GRIK2: variants seen among roughly 807,000 people sequenced by gnomAD.
The protein encoded by GRIK2 is glutamate ionotropic receptor kainate type subunit 2.
In GRIK2, 32 loss-of-function variants were observed where a neutral mutation model predicts 100.3. The ratio of observed to expected loss-of-function variants is 0.32; its 90% CI spans 0.24 to 0.43. The LOEUF is 0.43. Ranked by LOEUF, GRIK2 falls within the 20% of genes least tolerant of loss-of-function variation. The probability of loss-of-function intolerance (pLI) is 1.00; values close to 1 mark genes in which losing one functional copy is unlikely to be tolerated. For synonymous variants in GRIK2, 417 were observed against 389.4 expected (o/e 1.07, Z -0.83); for missense variants, 843 against 1,114.9 (o/e 0.76, Z 3.47).
At chr6:101,632,483 A>G (rs1178550522) in intron 4 of GRIK2, among the ~76,000 whole-genome samples, 4 of 152,168 alleles carry the variant, frequency 2.6e-5, no homozygotes, top group Non-Finnish European at 4.4e-5. Context: ...CCAAAGTCAA[A>G]TTTGGTTAAG....
At chr6:101,457,756 A>G (rs1245087832) in intron 2 of GRIK2, among the ~76,000 whole-genome samples, 2 of 152,102 alleles carry the variant, frequency 1.3e-5, no homozygotes, top group Non-Finnish European at 2.9e-5. Context: ...ATTTTCTTTC[A>G]AACAAGGTTG....
At position 101,695,384 on chromosome 6, in the gene GRIK2, C is replaced by G. The variant is rs149406843; in HGVS notation, c.951+9031C>G. On this transcript the variant is annotated intron_variant, in intron 7 of 16. Coordinates refer to ENST00000369134, the MANE Select transcript of GRIK2 (RefSeq NM_021956.5). ...TGATGACTTAATCATCTCTCAAAAG[C>G]CACACCTTTTAATTCTGTTTTATTG... Among the ~76,000 whole-genome samples, 17 of 152,200 alleles carry G rather than the reference C, an allele frequency of 1.1e-4. No individual in the cohort carries two copies. In the East Asian group the frequency reaches 3.1e-3, roughly 28 times the overall value.
intron 14 of GRIK2, among the ~76,000 whole-genome samples, chr6:102,002,582 C>G (rs986392816): frequency 6.7e-6 from 1 of 150,226 alleles, no homozygotes; most frequent in African/African-American, 2.4e-5. Context: ...TTAATGCTTT[C>G]ATTGTATTCT....
At chr6:101,615,638 A>G (rs576355116) in intron 2 of GRIK2, among the ~76,000 whole-genome samples, 1 of 151,956 alleles carries the variant, frequency 6.6e-6, no homozygotes, top group Admixed American at 6.6e-5. Context: ...AATACTATGT[A>G]CAATCCTGAC....
rs575248916 is a variant in GRIK2 at position 101,503,527 on chromosome 6, C to T, written c.115+104135C>T. 2.6e-5 allele frequency among the ~76,000 whole-genome samples: 4 copies of T among 152,234 alleles called. No homozygotes were observed. The South Asian group carries it at 6.2e-4, about 24-fold the overall frequency. Reference sequence around the variant, plus strand: ...AAGCAAATCAATTCCATTCCTTAGGCATACATTTTATATTTAGTTTTTCCT... The same window carrying T: ...AAGCAAATCAATTCCATTCCTTAGGTATACATTTTATATTTAGTTTTTCCT... On this transcript the variant is annotated intron_variant, in intron 2 of 16. Coordinates refer to ENST00000369134, the MANE Select transcript of GRIK2 (RefSeq NM_021956.5).
chr6:101,919,822 G>T (rs1398094947), intron 12 of GRIK2, among the ~76,000 whole-genome samples: 1 of 151,800 alleles, frequency 6.6e-6, no homozygotes, highest in Non-Finnish European at 1.5e-5. Flanking sequence ...TGAGGAACAA[G>T]ACAATGGATT....
At chr6:101,436,413 T>C (rs943954621) in intron 2 of GRIK2, among the ~76,000 whole-genome samples, 2 of 152,106 alleles carry the variant, frequency 1.3e-5, no homozygotes, top group African/African-American at 4.8e-5. Flanking sequence ...TAAAAAAATT[T>C]TTTTAGCTGC....
intron 16 of GRIK2, among the ~76,000 whole-genome samples, chr6:102,064,281 TCTTCTC>T (rs968838759): frequency 6.7e-6 from 1 of 150,130 alleles, no homozygotes; most frequent in East Asian, 2.0e-4. Context: ...CTTCTCCTTC[TCTTCTC>T]CTTCTCCTCC....
chr6:101,856,118 T>G (rs781482748), intron 10 of GRIK2, among the ~76,000 whole-genome samples: 4 of 152,178 alleles, frequency 2.6e-5, no homozygotes, highest in Admixed American at 6.5e-5. Context: ...AATGTTATTC[T>G]AAACACATTG....
At chr6:101,728,548 A>T (rs1016487118) in intron 7 of GRIK2, among the ~76,000 whole-genome samples, 1 of 152,084 alleles carries the variant, frequency 6.6e-6, no homozygotes, top group African/African-American at 2.4e-5. Context: ...CATGGGCTCT[A>T]AAGAAAACCA....
chr6:101,491,882 T>C lies in GRIK2; in HGVS notation c.115+92490T>C, dbSNP rs189329203. 1.7e-4 allele frequency among the ~76,000 whole-genome samples: 26 copies of C among 151,544 alleles called. No homozygotes were observed. The East Asian group carries it at 4.3e-3, about 25-fold the overall frequency. On this transcript the variant is annotated intron_variant, in intron 2 of 16. Coordinates refer to ENST00000369134, the MANE Select transcript of GRIK2 (RefSeq NM_021956.5). ...ATCATAGTTTGCATATATATATATG[T>C]GTGTTTGAATGTATATATGTGTGTA... is the stretch of plus-strand genomic sequence containing the variant.
intron 14 of GRIK2, among the ~76,000 whole-genome samples, chr6:102,006,494 G>A (rs188132231): frequency 1.5e-3 from 221 of 149,216 alleles, no homozygotes; most frequent in Middle Eastern, 3.6e-3. Context: ...TCAACCTCTT[G>A]AGTAGCTGGA....
At chr6:101,921,586 TA>T (rs903105946) in intron 12 of GRIK2, among the ~76,000 whole-genome samples, 1 of 152,010 alleles carries the variant, frequency 6.6e-6, no homozygotes, top group African/African-American at 2.4e-5. Context: ...TGATTTAGCT[TA>T]AAAAAATAAA....
At chr6:101,943,433 T>C (rs1413688225) in intron 14 of GRIK2, among the ~76,000 whole-genome samples, 1 of 152,102 alleles carries the variant, frequency 6.6e-6, no homozygotes, top group African/African-American at 2.4e-5. Context: ...TCCTCCAGAC[T>C]CTAGAATAGC....
intron 2 of GRIK2, among the ~76,000 whole-genome samples, chr6:101,544,663 AGTGCCTCCTCTAT>A (rs1776152876): frequency 1.3e-5 from 2 of 152,254 alleles, no homozygotes; most frequent in Middle Eastern, 3.4e-3. Context: ...CTAACCTTTG[AGTGCCTCCTCTAT>A]GCTATGCTCT....
intron 2 of GRIK2, among the ~76,000 whole-genome samples, chr6:101,548,381 C>A (rs1304701957): frequency 2.6e-5 from 4 of 152,016 alleles, no homozygotes; most frequent in East Asian, 1.9e-4. Flanking sequence ...TGTTTTAGAC[C>A]TGAAGTCCTT....
intron 7 of GRIK2, among the ~76,000 whole-genome samples, chr6:101,714,214 A>G (rs1257090094): frequency 6.6e-6 from 1 of 151,704 alleles, no homozygotes; most frequent in Non-Finnish European, 1.5e-5. Flanking sequence ...AGGAGAACCA[A>G]AAAGACATAC....
At chr6:101,418,006 T>G (rs951375212) in intron 2 of GRIK2, among the ~76,000 whole-genome samples, 2 of 152,254 alleles carry the variant, frequency 1.3e-5, no homozygotes, top group Admixed American at 1.3e-4. Flanking sequence ...GTCTCTCAAA[T>G]GCAGAGTTCT....
intron 2 of GRIK2, among the ~76,000 whole-genome samples, chr6:101,449,131 A>G (rs115494564): frequency 6.6e-6 from 1 of 151,672 alleles, no homozygotes; most frequent in African/African-American, 2.4e-5. Context: ...CAAGAAATAC[A>G]AATTCTCTTA....
Sources: gnomAD v4.1 joint callset for allele counts (sites outside exome capture counted in the v4.1 genomes callset) on GRCh38, gnomAD v4.1.1 for gene constraint, MANE v1.5 for transcripts, NCBI Gene and HGNC (gene_info 2026-07-23, HGNC 2026-07-21) for gene names.